The following RYR2 variants were observed in gnomAD, a reference collection of about 807,000 sequenced individuals.
The protein encoded by RYR2 is cardiac muscle ryanodine receptor-calcium release channel.
RYR2 carries 227 observed loss-of-function variants against 601.1 expected under a neutral mutation model. The ratio of observed to expected loss-of-function variants is 0.38; its 90% CI spans 0.34 to 0.42. The LOEUF is 0.42. Ranked by LOEUF, RYR2 falls within the 10% of genes least tolerant of loss-of-function variation. RYR2 has a pLI of 1.00. For missense variants in RYR2, 4,646 were observed against 6,156.5 expected (o/e 0.75, Z 8.21); for synonymous variants, 2,223 against 2,175.1 (o/e 1.02, Z -0.61).
intron 1 of RYR2, among the ~76,000 whole-genome samples, chr1:237,119,584 T>C (rs1670546828): frequency 6.6e-6 from 1 of 152,142 alleles, no homozygotes; most frequent in Non-Finnish European, 1.5e-5. Context: ...CCATCTCTCC[T>C]ACGATGGCCA....
chr1:237,806,360 C>T (rs2149438131), intron 99 of RYR2, 77 bp downstream of exon 99: 1 of 1,371,206 alleles, frequency 7.3e-7, no homozygotes. Flanking sequence ...AAAACTACCC[C>T]TCAAATGACA....
chr1:237,496,677 G>T lies in RYR2; in HGVS notation c.2128G>T (p.Gly710Cys). Residue 710 changes from glycine (G) to cysteine (C), a missense_variant, in exon 20 of 105, where the codon GGC becomes TGC. Transcript: ENST00000366574. Reference protein sequence around the residue: ...TEGYSPYPGGGEEWGGNGVGD... With the variant: ...TEGYSPYPGGCEEWGGNGVGD... The stretch of plus-strand genomic sequence containing the variant: ...AGGATATTCTCCCTACCCTGGAGGG[G>T]GCGAAGAGTGGGGTGGAAATGGTGT... 6.2e-7 allele frequency: 1 copy of T among 1,613,966 alleles called. No homozygotes were observed. The highest frequency in any genetic ancestry group is 8.5e-7 in the Non-Finnish European group (1 of 1,179,870).
intron 79 of RYR2, among the ~76,000 whole-genome samples, chr1:237,737,518 G>T (rs368431237): frequency 1.1e-4 from 17 of 152,278 alleles, no homozygotes; most frequent in African/African-American, 4.1e-4. Flanking sequence ...TAAATTTTCA[G>T]CCAGGTCATG....
intron 79 of RYR2, 69 bp from the exon 80 acceptor site, chr1:237,742,227 A>G (rs1691670294): frequency 1.0e-6 from 1 of 1,002,042 alleles, no homozygotes; most frequent in Middle Eastern, 3.0e-4. Context: ...TCTATGTCTA[A>G]TGTTCTTTTG....
chr1:237,242,860 G>A (rs1475251226), intron 1 of RYR2, among the ~76,000 whole-genome samples: 1 of 152,118 alleles, frequency 6.6e-6, no homozygotes, highest in East Asian at 1.9e-4. Flanking sequence ...GGATGTACGT[G>A]CAGAAACCCA....
At chr1:237,271,137 A>G (rs1315612479) in intron 2 of RYR2, among the ~76,000 whole-genome samples, 1 of 151,604 alleles carries the variant, frequency 6.6e-6, no homozygotes, top group African/African-American at 2.4e-5. Context: ...TTTTTTCCTC[A>G]AAGTGTTATC....
At chr1:237,262,258 T>TTG (rs1688612099) in intron 1 of RYR2, among the ~76,000 whole-genome samples, 1 of 137,506 alleles carries the variant, frequency 7.3e-6, no homozygotes, top group Non-Finnish European at 1.6e-5. Flanking sequence ...TTTTTTTTTT[T>TTG]TTTTTTTTTT....
Position 237,128,939 on chromosome 1 carries a change from C to T in RYR2, c.48+86370C>T, listed in dbSNP as rs150079583. ...AAGACTTTAAGGTTCTTAGCCTAAG[C>T]GATTTGAAGGATAGAGCTGCCATTT... On this transcript the variant is annotated intron_variant, in intron 1 of 104. Coordinates refer to ENST00000366574, the MANE Select transcript of RYR2 (RefSeq NM_001035.3). Among the ~76,000 whole-genome samples the T allele has an allele frequency of 6.5e-3, 982 of 152,172 alleles. 2 individuals are homozygous for T. The highest frequency in any genetic ancestry group is 0.011 in the Non-Finnish European group (736 of 68,006).
At position 237,550,541 on chromosome 1, in the gene RYR2, C is replaced by G; in HGVS notation, c.3067-3C>G. 1.2e-6 allele frequency: 2 copies of G among 1,608,350 alleles called. No homozygotes were observed. The highest frequency in any genetic ancestry group is 1.7e-6 in the Non-Finnish European group (2 of 1,177,392). ...GACGGCTGCACCCTGTGTTTTCCTG[C>G]AGGACGTAAAGAACAGAAGAAATCC... On this transcript the variant is annotated splice_polypyrimidine_tract_variant and splice_region_variant and intron_variant, in intron 26 of 104. Transcript: ENST00000366574.
In RYR2 at chr1:237,795,848, A is replaced by G. The variant is rs1187758798; in HGVS notation, c.13956+517A>G. ...TATGTGTGTGTGTGTATATATATAT[A>G]TGTATATGTATATATATATATATAT... On this transcript the variant is annotated intron_variant, in intron 96 of 104. Coordinates refer to ENST00000366574, the MANE Select transcript of RYR2 (RefSeq NM_001035.3). Among the ~76,000 whole-genome samples, 1,124 of 117,890 alleles carry G rather than the reference A, an allele frequency of 9.5e-3. 19 individuals carry two copies. The highest frequency in any genetic ancestry group is 0.038 in the African/African-American group (1,074 of 28,040). The allele number at this position is 117,890 out of a possible 152,430, so 77.3% of individuals were successfully genotyped here.
intron 1 of RYR2, among the ~76,000 whole-genome samples, chr1:237,113,238 G>A (rs183692865): frequency 1.5e-3 from 222 of 151,548 alleles, no homozygotes; most frequent in African/African-American, 5.0e-3. Flanking sequence ...TCACTCTGTC[G>A]CCCAGACTGG....
chr1:237,730,425 G>T, intron 77 of RYR2, 69 bp downstream of exon 77: 1 of 820,966 alleles, frequency 1.2e-6, no homozygotes, highest in South Asian at 1.5e-5. Flanking sequence ...GGCGTGAGCA[G>T]TCATTATATA....
rs570046606 is a variant in RYR2, at chr1:237,679,740, T to C, written c.8896-716T>C. On this transcript the variant is annotated intron_variant, in intron 61 of 104. Coordinates refer to ENST00000366574, the MANE Select transcript of RYR2 (RefSeq NM_001035.3). ...TATCAGAGCTCAGAATGTGGGACTTTATCTAGTTGAGATCAGCAAAGACTT... is the reference window on the plus strand; with the variant it reads ...TATCAGAGCTCAGAATGTGGGACTTCATCTAGTTGAGATCAGCAAAGACTT... Among the ~76,000 whole-genome samples, 4 of 152,342 alleles carry C rather than the reference T, an allele frequency of 2.6e-5. No homozygotes were observed. In the South Asian group the frequency reaches 6.2e-4, roughly 24 times the overall value.
At chr1:237,364,194 A>C (rs1700011689) in intron 4 of RYR2, among the ~76,000 whole-genome samples, 164 bp from the exon 5 acceptor site, 1 of 152,080 alleles carries the variant, frequency 6.6e-6, no homozygotes, top group Admixed American at 6.6e-5. Context: ...TGTAGTTGAT[A>C]CTAAGTTTTG....
intron 10 of RYR2, among the ~76,000 whole-genome samples, chr1:237,409,144 A>T (rs1041122156): frequency 6.6e-6 from 1 of 152,108 alleles, no homozygotes; most frequent in Non-Finnish European, 1.5e-5. Flanking sequence ...CTCAGTCTGT[A>T]TACATTTAAT....
chr1:237,392,968 T>C (rs781566897), intron 10 of RYR2, among the ~76,000 whole-genome samples: 10 of 152,206 alleles, frequency 6.6e-5, no homozygotes, highest in Non-Finnish European at 1.3e-4. Flanking sequence ...CTAGTGGGCA[T>C]ATGCGGCAAT....
At chr1:237,324,190 G>C (rs898880163) in intron 2 of RYR2, among the ~76,000 whole-genome samples, 2 of 152,028 alleles carry the variant, frequency 1.3e-5, no homozygotes, top group Admixed American at 1.3e-4. Context: ...CGAGTCAATG[G>C]GATACAACAC....
intron 1 of RYR2, among the ~76,000 whole-genome samples, chr1:237,139,120 C>A (rs1571981709): frequency 1.3e-5 from 2 of 152,144 alleles, no homozygotes; most frequent in East Asian, 3.9e-4. Flanking sequence ...AAAGTGAAAA[C>A]AACTCAAATG....
At chr1:237,121,608 G>T (rs566099360) in intron 1 of RYR2, among the ~76,000 whole-genome samples, 1 of 152,312 alleles carries the variant, frequency 6.6e-6, no homozygotes, top group South Asian at 2.1e-4. Flanking sequence ...TTGAGGAGCT[G>T]TAGAGAAAGA....
Sources: gnomAD v4.1 joint callset for allele counts (sites outside exome capture counted in the v4.1 genomes callset) on GRCh38, gnomAD v4.1.1 for gene constraint, MANE v1.5 for transcripts, NCBI Gene and HGNC (gene_info 2026-07-23, HGNC 2026-07-21) for gene names.